Variants in TP53BP1 observed in about 807,000 individuals in gnomAD.
TP53BP1 encodes tumor protein p53 binding protein 1.
Under a neutral mutation model 200.8 loss-of-function variants are expected in TP53BP1, and 61 were observed. The observed-to-expected ratio is 0.30, with a 90% confidence interval of 0.25 to 0.38. TP53BP1 has a LOEUF of 0.38. Ranked by LOEUF, TP53BP1 falls within the 10% of genes least tolerant of loss-of-function variation. The probability of loss-of-function intolerance (pLI) is 1.00; values close to 1 mark genes in which losing one functional copy is unlikely to be tolerated. For missense variants in TP53BP1, 2,144 were observed against 2,371.9 expected (o/e 0.90, Z 2.00); for synonymous variants, 822 against 844.3 (o/e 0.97, Z 0.46).
At chr15:43,472,265 C>T (rs1273670787) in intron 10 of TP53BP1, among the ~76,000 whole-genome samples, 1 of 152,130 alleles carries the variant, frequency 6.6e-6, no homozygotes, top group Admixed American at 6.5e-5. Context: ...ATGAGAAAAA[C>T]CACAGAAATG....
At chr15:43,459,088 A>T (rs945791712) in intron 11 of TP53BP1, among the ~76,000 whole-genome samples, 1 of 152,212 alleles carries the variant, frequency 6.6e-6, no homozygotes, top group Admixed American at 6.5e-5. Context: ...TTGTATTCTC[A>T]GCACTTTGGG....
At chr15:43,418,068 T>A (rs2045308050) in intron 21 of TP53BP1, among the ~76,000 whole-genome samples, 1 of 150,134 alleles carries the variant, frequency 6.7e-6, no homozygotes, top group African/African-American at 2.5e-5. Context: ...TAATCCCAGC[T>A]ACTTGGGAGG....
chr15:43,408,351 A>C, intron 26 of TP53BP1: 1 of 356,184 alleles, frequency 2.8e-6, no homozygotes. Flanking sequence ...TGTGGTGGCG[A>C]GTGCCTGTAG....
intron 10 of TP53BP1, among the ~76,000 whole-genome samples, chr15:43,472,941 G>A (rs539432488): frequency 2.6e-5 from 4 of 152,234 alleles, no homozygotes; most frequent in Admixed American, 6.5e-5. Flanking sequence ...TTAAGGTGGC[G>A]CGTCTCGAGT....
intron 19 of TP53BP1, 111 bp downstream of exon 19, chr15:43,421,744 T>G: frequency 7.0e-7 from 1 of 1,434,616 alleles, no homozygotes; most frequent in Non-Finnish European, 9.4e-7. Context: ...AGTTGATTTA[T>G]CTTTAATGGA....
At chr15:43,444,340 T>A (rs2045994682) in intron 14 of TP53BP1, among the ~76,000 whole-genome samples, 1 of 152,176 alleles carries the variant, frequency 6.6e-6, no homozygotes, top group African/African-American at 2.4e-5. Context: ...CTTCTGGGTT[T>A]AAGCACACCT....
chr15:43,407,962 A>G lies in TP53BP1; in HGVS notation c.5727T>C (p.His1909=), dbSNP rs755554380. 3.1e-6 allele frequency: 5 copies of G among 1,613,264 alleles called. No homozygotes were observed. The Admixed American group carries it at 8.3e-5, about 27-fold the overall frequency. Residue 1909 remains histidine, a synonymous_variant, in exon 27 of 28, where the codon CAT becomes CAC. Coordinates refer to ENST00000382044, the MANE Select transcript of TP53BP1 (RefSeq NM_001141980.3). ...TGGAASVKQH[H]SSAHNKDIAL... is the part of the protein sequence containing the mutation. ...AGGTACCTTTGTTATGGGCACTTGA[A>G]TGGTGCTGCTTCACAGAGGCTGCAC...
At chr15:43,485,489 A>G (rs905028993) in intron 4 of TP53BP1, among the ~76,000 whole-genome samples, 5 of 146,018 alleles carry the variant, frequency 3.4e-5, no homozygotes, top group Non-Finnish European at 6.0e-5. Context: ...AGGCAGGAGA[A>G]TGACGTGAAC....
rs749762411 is a variant in TP53BP1, at chr15:43,415,608, G to A, written c.5075C>T (p.Ala1692Val). The change falls in exon 23 of 28, where the codon GCC becomes GTC. Residue 1692 changes from alanine (A) to valine (V), a missense_variant. This residue lies in a region of TP53BP1 where 334 missense variants were observed against 453.4 expected (regional missense o/e 0.74). Coordinates refer to ENST00000382044, the MANE Select transcript of TP53BP1 (RefSeq NM_001141980.3). ...GGAGCACTTACCAGGTTTTACTGTG[G>A]CAGACTTGCGACCTCGCTTGGCAGG... ...RSPAKRGRKS[A>V]TVKPGAVGAG... 8.7e-6 allele frequency: 14 copies of A among 1,614,082 alleles called. No homozygotes were observed. In the African/African-American group the frequency reaches 1.7e-4, roughly 20 times the overall value.
At chr15:43,500,398 A>AT (rs202008450) in intron 1 of TP53BP1, among the ~76,000 whole-genome samples, 24 of 149,912 alleles carry the variant, frequency 1.6e-4, no homozygotes, top group East Asian at 5.8e-4. Flanking sequence ...TTTTGTTGAA[A>AT]TTTTTTTTTT....
In TP53BP1 at chr15:43,421,163, C is replaced by A; in HGVS notation, c.4112G>T (p.Gly1371Val). ...GGPGKLSPRK[G>V]VSQTGTPVCE... ...CACTGGCGTCCCTGTCTGACTGACC[C>A]CTTTTCTAGGACTAGAGAATGAAGA... The change falls in exon 20 of 28, where the codon GGG becomes GTG. Residue 1371 changes from glycine to valine, a missense_variant. Coordinates refer to ENST00000382044, the MANE Select transcript of TP53BP1 (RefSeq NM_001141980.3). 1 of 1,614,064 alleles carries A rather than the reference C, an allele frequency of 6.2e-7. No individual in the cohort carries two copies. The highest frequency in any genetic ancestry group is 8.5e-7 in the Non-Finnish European group (1 of 1,179,974).
chr15:43,415,862 G>C, intron 22 of TP53BP1, 53 bp from the exon 23 acceptor site: 2 of 1,469,652 alleles, frequency 1.4e-6, no homozygotes, highest in Admixed American at 1.8e-5. Context: ...ATGAGGCCCT[G>C]AACTCCAAGA....
At chr15:43,506,186 T>G (rs1161136212) in intron 1 of TP53BP1, among the ~76,000 whole-genome samples, 1 of 152,220 alleles carries the variant, frequency 6.6e-6, no homozygotes, top group Non-Finnish European at 1.5e-5. Flanking sequence ...TTCTCTCCTA[T>G]GAACACCTAA....
In TP53BP1 at chr15:43,477,643, G is replaced by T. The variant is rs768224234; in HGVS notation, c.905C>A (p.Pro302His). The T allele has an allele frequency of 1.2e-6, 2 of 1,613,760 alleles. No individual in the cohort carries two copies. Among genetic ancestry groups the T allele is most frequent in the Non-Finnish European group, 1.7e-6 (2 of 1,179,886 alleles). The change falls in exon 8 of 28, where the codon CCT becomes CAT. Residue 302 changes from proline (P) to histidine (H), a missense_variant. Coordinates refer to ENST00000382044, the MANE Select transcript of TP53BP1 (RefSeq NM_001141980.3). ...GTCTTCCTGAGTTGACAAAACCTCA[G>T]GCTCTGGTGACTTCTGAATCTGCAG... ...SGLQIQKSPEPEVLSTQEDLF... is the reference protein window; with the variant it reads ...SGLQIQKSPEHEVLSTQEDLF...
intron 1 of TP53BP1, among the ~76,000 whole-genome samples, chr15:43,503,591 G>A (rs565494572): frequency 3.3e-5 from 5 of 152,196 alleles, no homozygotes; most frequent in South Asian, 4.1e-4. Context: ...CCCGGGAGGC[G>A]GAGGTTGCAG....
chr15:43,408,247 G>A (rs559527209), intron 26 of TP53BP1, 159 bp from the exon 27 acceptor site: 62 of 738,636 alleles, frequency 8.4e-5, no homozygotes, highest in Admixed American at 3.0e-4. Context: ...GGAGGCTGTC[G>A]TGGTTGGATC....
intron 16 of TP53BP1, among the ~76,000 whole-genome samples, chr15:43,433,344 T>C (rs2045715175): frequency 6.6e-6 from 1 of 152,218 alleles, no homozygotes; most frequent in South Asian, 2.1e-4. Context: ...ATTCGTTCCT[T>C]TATTCCACAA....
intron 11 of TP53BP1, among the ~76,000 whole-genome samples, chr15:43,463,638 C>CA (rs958898562): frequency 2.6e-4 from 40 of 151,860 alleles, no homozygotes; most frequent in African/African-American, 8.0e-4. Flanking sequence ...AAGAGAACTG[C>CA]AAAAAAAATC....
intron 4 of TP53BP1, among the ~76,000 whole-genome samples, chr15:43,487,139 T>A (rs1029192335): frequency 6.6e-6 from 1 of 151,758 alleles, no homozygotes; most frequent in Admixed American, 6.6e-5. Flanking sequence ...GACAATCCAA[T>A]TAGAAAATGG....
Sources: allele counts gnomAD v4.1 joint callset (sites outside exome capture counted in the v4.1 genomes callset), GRCh38; gene constraint gnomAD v4.1.1; regional missense constraint gnomAD v4.1.1; transcripts MANE v1.5; gene names NCBI Gene and HGNC (gene_info 2026-07-23, HGNC 2026-07-21).